Variants in IL17RE observed in about 807,000 individuals in gnomAD.
The protein encoded by IL17RE is interleukin-17 receptor E.
IL17RE carries 47 observed loss-of-function variants against 70.7 expected under a neutral mutation model. The observed-to-expected ratio is 0.67, with a 90% CI of 0.53 to 0.85. The LOEUF is 0.85. IL17RE is among the 40% of genes least tolerant of loss of function. The pLI is 0.00. For synonymous variants in IL17RE, 372 were observed against 381.2 expected (o/e 0.98, Z 0.28); for missense variants, 850 against 893.9 (o/e 0.95, Z 0.63).
At chr3:9,911,799 CT>C (rs1559274510) in intron 12 of IL17RE, 1 of 478,014 alleles carries the variant, frequency 2.1e-6, no homozygotes. Flanking sequence ...TCTTTTTTTT[CT>C]TTTTTTCTTT....
intron 2 of IL17RE, among the ~76,000 whole-genome samples, 156 bp downstream of exon 2, chr3:9,903,568 A>G (rs563080706): frequency 6.6e-6 from 1 of 152,230 alleles, no homozygotes; most frequent in African/African-American, 2.4e-5. Flanking sequence ...TTCACATTGC[A>G]GTTCTGCCAG....
Position 9,906,986 on chromosome 3 carries a change from G to A in IL17RE, c.552G>A (p.Leu184=), listed in dbSNP as rs918516340. Reference sequence around the variant, plus strand: ...GACCCGAGTTCTCCTTTGATTTGCTGCCTGAGGCCCGGGCTATTCGGGTGA... The same window carrying A: ...GACCCGAGTTCTCCTTTGATTTGCTACCTGAGGCCCGGGCTATTCGGGTGA... ...HGGPEFSFDL[L]PEARAIRVTI... is the part of the protein sequence containing the mutation. The change falls in exon 6 of 16, where the codon CTG becomes CTA. Residue 184 remains leucine, a synonymous_variant. Coordinates refer to ENST00000383814, the MANE Select transcript of IL17RE (RefSeq NM_153480.2). 6.2e-7 allele frequency: 1 copy of A among 1,614,190 alleles called. No individual in the cohort carries two copies. The highest frequency in any genetic ancestry group is 8.5e-7 in the Non-Finnish European group (1 of 1,180,040).
Position 9,911,556 on chromosome 3 carries a change from G to A in IL17RE, c.1186G>A (p.Gly396Arg). 1 of 1,614,142 alleles carries A rather than the reference G, an allele frequency of 6.2e-7. No homozygotes were observed. ...TGCTGCCTGGAGCCTCCCAGGCTTGGGGCAGGACACTTTGGTGCCCCCCGT... is the reference window on the plus strand; with the variant it reads ...TGCTGCCTGGAGCCTCCCAGGCTTGAGGCAGGACACTTTGGTGCCCCCCGT... ...FSAAWSLPGL[G>R]QDTLVPPVYT... is the part of the protein sequence containing the mutation. The change falls in exon 12 of 16, where the codon GGG becomes AGG. Residue 396 changes from glycine (G) to arginine (R), a missense_variant. By Grantham distance (125) the Gly-to-Arg change is moderately radical. Coordinates refer to ENST00000383814, the MANE Select transcript of IL17RE (RefSeq NM_153480.2).
In IL17RE at chr3:9,916,178, G is replaced by C. The variant is rs1239820941; in HGVS notation, c.*371G>C. 1.1e-5 allele frequency: 2 copies of C among 186,682 alleles called. No homozygotes were observed. The highest frequency in any genetic ancestry group is 2.2e-5 in the Non-Finnish European group (2 of 91,156). The allele number at this position is 186,682 out of a possible 1,614,324, so 11.6% of individuals were successfully genotyped here. On this transcript the variant is annotated 3_prime_UTR_variant, in exon 16 of 16. Transcript: ENST00000383814. ...GTTCTGAAGGAGGGTGAGGCGGTGG[G>C]GGATTGCAGGGGGCGGCTGAGAGAA... is the stretch of plus-strand genomic sequence containing the variant.
intron 8 of IL17RE, 114 bp from the exon 9 acceptor site, chr3:9,910,751 G>A: frequency 1.2e-6 from 1 of 825,862 alleles, no homozygotes; most frequent in East Asian, 2.7e-5. Context: ...TTCTGGCCAG[G>A]AATAGTGCTG....
At chr3:9,909,349 A>C in intron 8 of IL17RE, 66 bp downstream of exon 8, 1 of 1,261,044 alleles carries the variant, frequency 7.9e-7, no homozygotes, top group South Asian at 1.2e-5. Context: ...TCCTACACAC[A>C]CATGTACACA....
intron 6 of IL17RE, among the ~76,000 whole-genome samples, chr3:9,907,748 C>A (rs2082793962): frequency 6.6e-6 from 1 of 152,156 alleles, no homozygotes; most frequent in South Asian, 2.1e-4. Context: ...CCCTTTGTTC[C>A]TGCCACTCAG....
chr3:9,914,901 C>G (rs1322719324), intron 15 of IL17RE, 124 bp downstream of exon 15: 3 of 826,254 alleles, frequency 3.6e-6, no homozygotes, highest in Non-Finnish European at 5.7e-6. Flanking sequence ...GGCAGGGAGC[C>G]TCAGGCCCCC....
chr3:9,904,914 C>A (rs1382146844), intron 3 of IL17RE, among the ~76,000 whole-genome samples: 3 of 147,862 alleles, frequency 2.0e-5, no homozygotes, highest in African/African-American at 7.5e-5. Context: ...GCCAACATGG[C>A]CAAACCCCAT....
chr3:9,902,946 G>T lies in IL17RE; in HGVS notation c.14G>T (p.Arg5Ile), dbSNP rs2082669553. Residue 5 changes from arginine to isoleucine, a missense_variant, in exon 1 of 16, where the codon AGA becomes ATA. By Grantham distance (97) the Arg-to-Ile change is moderately conservative. Transcript: ENST00000383814. ...GCACAGAAGCCCATGGGGAGCTCCA[G>T]ACTGGCAGCCCTGCTCCTGCCTCTC... MGSS[R>I]LAALLLPLLL... is the part of the protein sequence containing the mutation. 1.2e-6 allele frequency: 2 copies of T among 1,614,128 alleles called. No individual in the cohort carries two copies. Among genetic ancestry groups the T allele is most frequent in the Non-Finnish European group, 1.7e-6 (2 of 1,180,034 alleles).
At chr3:9,912,822 T>A (rs938700917) in intron 12 of IL17RE, among the ~76,000 whole-genome samples, 1 of 152,168 alleles carries the variant, frequency 6.6e-6, no homozygotes, top group Non-Finnish European at 1.5e-5. Flanking sequence ...TGAGCTATGA[T>A]CATGCCACAG....
At chr3:9,914,886 A>T in intron 15 of IL17RE, 109 bp downstream of exon 15, 2 of 950,728 alleles carry the variant, frequency 2.1e-6, no homozygotes, top group Non-Finnish European at 3.2e-6. Context: ...AATCTCTGTT[A>T]CCCAGGCAGG....
At chr3:9,914,290 A>G in intron 13 of IL17RE, 1 of 858,812 alleles carries the variant, frequency 1.2e-6, no homozygotes, top group Non-Finnish European at 1.7e-6. Context: ...TGTTTCAGTC[A>G]GGGCCTGTGC....
At chr3:9,902,201 G>A (rs758225534), upstream of IL17RE, among the ~76,000 whole-genome samples, 12 of 152,062 alleles carry the variant, frequency 7.9e-5, no homozygotes, top group South Asian at 2.1e-4. Context: ...TGTGGGGCCC[G>A]CTCCCTCTGC....
intron 1 of IL17RE, 104 bp from the exon 2 acceptor site, chr3:9,903,293 A>G (rs1301222036): frequency 1.5e-6 from 2 of 1,343,960 alleles, no homozygotes; most frequent in African/African-American, 2.9e-5. Flanking sequence ...TATGGGGCTC[A>G]GAATTTGCTG....
upstream of IL17RE, among the ~76,000 whole-genome samples, chr3:9,902,264 G>C (rs1227086379): frequency 6.6e-6 from 1 of 152,194 alleles, no homozygotes; most frequent in Admixed American, 6.5e-5. Context: ...GTACTGACTA[G>C]TGGGTCCTTG....
chr3:9,915,060 G>T lies in IL17RE; in HGVS notation c.1448-191G>T, dbSNP rs1311639241. On this transcript the variant is annotated intron_variant, in intron 15 of 15. Coordinates refer to ENST00000383814, the MANE Select transcript of IL17RE (RefSeq NM_153480.2). This position sits in a 1 kb window ranked among gnomAD's most constrained non-coding sequence, Gnocchi z 4.9. ...AGCCCTGACCCTCTCTTCAGAAGGG[G>T]TGCCTTTATCTAATTAGCCCATAAG... 6.6e-6 allele frequency among the ~76,000 whole-genome samples: 1 copy of T among 152,000 alleles called. No homozygotes were observed. Among genetic ancestry groups the T allele is most frequent in the Non-Finnish European group, 1.5e-5 (1 of 67,986 alleles).
chr3:9,908,187 C>T (rs1412813036), intron 6 of IL17RE, 52 bp from the exon 7 acceptor site: 9 of 1,475,324 alleles, frequency 6.1e-6, no homozygotes, highest in African/African-American at 1.4e-5. Context: ...TGTCTATGTG[C>T]CCATGCTCTT....
Position 9,902,878 on chromosome 3 carries a change from A to G in IL17RE, c.-55A>G. 1 of 1,613,814 alleles carries G rather than the reference A, an allele frequency of 6.2e-7. No homozygotes were observed. Among genetic ancestry groups the G allele is most frequent in the Non-Finnish European group, 8.5e-7 (1 of 1,179,874 alleles). On this transcript the variant is annotated 5_prime_UTR_variant, in exon 1 of 16. Transcript: ENST00000383814. ...CGCTGCTGCACAGCAAGGCCCTGCC[A>G]CCCACCTTCAGGCCATGCAGCCATG... is the stretch of plus-strand genomic sequence containing the variant.
Sources: gnomAD v4.1 joint callset for allele counts (sites outside exome capture counted in the v4.1 genomes callset) on GRCh38, gnomAD v4.1.1 for gene constraint, Gnocchi (gnomAD v3.1) non-coding constraint, MANE v1.5 for transcripts, NCBI Gene and HGNC (gene_info 2026-07-23, HGNC 2026-07-21) for gene names.